The following MAP3K20 variants were observed in gnomAD, a reference collection of about 807,000 sequenced individuals.
The protein encoded by MAP3K20 is HCCS-4.
A neutral mutation model predicts 85.7 loss-of-function variants in MAP3K20; 40 were observed. The observed-to-expected ratio is 0.47, with a 90% CI of 0.36 to 0.61. MAP3K20 has a LOEUF of 0.61. Among genes scored for constraint, MAP3K20 ranks in the 20% least tolerant of loss-of-function variants. MAP3K20 has a pLI of 0.00. For synonymous variants in MAP3K20, 325 were observed against 327.7 expected (o/e 0.99, Z 0.09); for missense variants, 817 against 961.7 (o/e 0.85, Z 1.99).
At chr2:173,145,002 T>G (rs748848650) in intron 2 of MAP3K20, among the ~76,000 whole-genome samples, 1 of 152,098 alleles carries the variant, frequency 6.6e-6, no homozygotes, top group Non-Finnish European at 1.5e-5. Flanking sequence ...ATCTTTTTAA[T>G]AAATAGTGCT....
intron 11 of MAP3K20, among the ~76,000 whole-genome samples, chr2:173,229,308 G>A (rs1383611384): frequency 1.3e-5 from 2 of 152,182 alleles, no homozygotes; most frequent in African/African-American, 2.4e-5. Flanking sequence ...TTACTAAGTG[G>A]TTGCTTTGGA....
At position 173,180,651 on chromosome 2, in the gene MAP3K20, G is replaced by C. The variant is rs957325518; in HGVS notation, c.248-2203G>C. On this transcript the variant is annotated intron_variant, in intron 3 of 19. Coordinates refer to ENST00000375213, the MANE Select transcript of MAP3K20 (RefSeq NM_016653.3). ...AGAGTGTGCCACTGCACTCAAGCCT[G>C]GGCAACAGAGTGAGACCTTGTCTCA... Among the ~76,000 whole-genome samples, 36 of 152,152 alleles carry C rather than the reference G, an allele frequency of 2.4e-4. 2 individuals are homozygous for C. The highest frequency in any genetic ancestry group is 3.1e-4 in the Non-Finnish European group (21 of 68,000).
At chr2:173,183,508 C>A (rs183390173) in intron 4 of MAP3K20, among the ~76,000 whole-genome samples, 169 of 152,262 alleles carry the variant, frequency 1.1e-3, no homozygotes, top group African/African-American at 3.9e-3. Flanking sequence ...ATACACCAAA[C>A]CCCTAAACAA....
At chr2:173,134,011 CA>C (rs1688698077) in intron 2 of MAP3K20, among the ~76,000 whole-genome samples, 1 of 146,264 alleles carries the variant, frequency 6.8e-6, no homozygotes, top group African/African-American at 2.5e-5. Context: ...AAACAAAAAA[CA>C]AAAACATTCA....
At chr2:173,099,331 TTTTG>T (rs1687561319) in intron 2 of MAP3K20, among the ~76,000 whole-genome samples, 2 of 115,690 alleles carry the variant, frequency 1.7e-5, no homozygotes, top group Non-Finnish European at 3.5e-5. Flanking sequence ...TTGTGTTTTG[TTTTG>T]TTTTTTTTTT....
Position 173,266,546 on chromosome 2 carries a change from C to T in MAP3K20, c.2199C>T (p.Ser733=). ...NPHQSPDFKR[S]PRDLHQPNTI... The stretch of plus-strand genomic sequence containing the variant: ...ACCAGTCGCCTGACTTCAAGAGAAG[C>T]CCCAGGGACCTCCACCAACCCAACA... The change falls in exon 20 of 20, where the codon AGC becomes AGT. Residue 733 remains serine, a synonymous_variant. Transcript: ENST00000375213. The T allele has an allele frequency of 3.1e-6, 5 of 1,613,756 alleles. No homozygotes were observed. Among genetic ancestry groups the T allele is most frequent in the Non-Finnish European group, 4.2e-6 (5 of 1,179,876 alleles).
intron 2 of MAP3K20, among the ~76,000 whole-genome samples, chr2:173,161,841 G>A (rs993797517): frequency 6.6e-6 from 1 of 152,152 alleles, no homozygotes; most frequent in Admixed American, 6.5e-5. Flanking sequence ...CGTATCGGGA[G>A]AAAATCACAG....
At chr2:173,122,252 G>T (rs1317055836) in intron 2 of MAP3K20, among the ~76,000 whole-genome samples, 1 of 152,194 alleles carries the variant, frequency 6.6e-6, no homozygotes, top group African/African-American at 2.4e-5. Flanking sequence ...TGTTCTTTGG[G>T]GGTCACCCCT....
At chr2:173,186,765 G>A (rs1204851769) in intron 4 of MAP3K20, among the ~76,000 whole-genome samples, 1 of 151,960 alleles carries the variant, frequency 6.6e-6, no homozygotes, top group Non-Finnish European at 1.5e-5. Flanking sequence ...TTCTAAAGGG[G>A]TAGACAATAC....
At chr2:173,095,511 C>G (rs767801462) in intron 2 of MAP3K20, among the ~76,000 whole-genome samples, 23 of 152,302 alleles carry the variant, frequency 1.5e-4, no homozygotes, top group Middle Eastern at 3.4e-3. Context: ...CTCTGGTTAG[C>G]TACATCTGTG....
intron 10 of MAP3K20, chr2:173,212,453 A>G (rs1057113316): frequency 2.6e-5 from 4 of 152,180 alleles, no homozygotes; most frequent in Admixed American, 6.6e-5. Context: ...TATTTGATCT[A>G]TTACCGAAGG....
intron 11 of MAP3K20, chr2:173,226,021 T>A (rs933998561): frequency 2.0e-6 from 2 of 985,326 alleles, no homozygotes; most frequent in Non-Finnish European, 1.2e-6. Flanking sequence ...CTATTTTACA[T>A]AACCAGTGAA....
At chr2:173,163,789 T>G (rs770530121) in intron 2 of MAP3K20, among the ~76,000 whole-genome samples, 7 of 152,218 alleles carry the variant, frequency 4.6e-5, no homozygotes, top group Non-Finnish European at 8.8e-5. Context: ...TAATGGAATG[T>G]AAGTATGGAA....
At chr2:173,101,020 TA>T (rs1574013179) in intron 2 of MAP3K20, among the ~76,000 whole-genome samples, 1 of 152,100 alleles carries the variant, frequency 6.6e-6, no homozygotes, top group East Asian at 1.9e-4. Context: ...GTTGAGCAAA[TA>T]AATGTATTAA....
chr2:173,178,264 AAATT>A (rs1347591990), intron 3 of MAP3K20, among the ~76,000 whole-genome samples: 1 of 152,228 alleles, frequency 6.6e-6, no homozygotes, highest in African/African-American at 2.4e-5. Flanking sequence ...TTATGCCAAT[AAATT>A]AGATAATTTA....
chr2:173,108,053 C>T (rs1203952786), intron 2 of MAP3K20, among the ~76,000 whole-genome samples: 1 of 151,970 alleles, frequency 6.6e-6, no homozygotes, highest in African/African-American at 2.4e-5. Context: ...GTTTCTCATC[C>T]TTTTTAAAAA....
chr2:173,202,386 A>G (rs1472399766), intron 8 of MAP3K20, among the ~76,000 whole-genome samples: 1 of 152,184 alleles, frequency 6.6e-6, no homozygotes, highest in African/African-American at 2.4e-5. Flanking sequence ...AGCTTCTCAT[A>G]GCCTCCCCCA....
At chr2:173,187,658 T>A (rs775110895) in intron 5 of MAP3K20, 35 bp downstream of exon 5, 9 of 1,532,706 alleles carry the variant, frequency 5.9e-6, no homozygotes, top group Non-Finnish European at 8.0e-6. Flanking sequence ...ACCTATTTTA[T>A]TACAAATTAC....
At chr2:173,265,681 T>C (rs1216229182) in intron 19 of MAP3K20, among the ~76,000 whole-genome samples, 1 of 152,216 alleles carries the variant, frequency 6.6e-6, no homozygotes, top group African/African-American at 2.4e-5. Context: ...GGGATTTAGA[T>C]GCAGAAGGAC....
Sources: allele counts gnomAD v4.1 joint callset (sites outside exome capture counted in the v4.1 genomes callset), GRCh38; gene constraint gnomAD v4.1.1; transcripts MANE v1.5; gene names NCBI Gene and HGNC (gene_info 2026-07-23, HGNC 2026-07-21).